Variants in WNK2 observed in about 807,000 individuals in gnomAD.
WNK2 encodes the protein WNK lysine deficient protein kinase 2, also known as serine/threonine-protein kinase WNK2.
In WNK2, 67 loss-of-function variants were observed where a neutral mutation model predicts 192.1. The ratio of observed to expected loss-of-function variants is 0.35; its 90% confidence interval spans 0.29 to 0.43. WNK2 has a LOEUF of 0.43. Among genes scored for constraint, WNK2 ranks in the 20% least tolerant of loss-of-function variants. The probability of loss-of-function intolerance (pLI) is 1.00; values close to 1 mark genes in which losing one functional copy is unlikely to be tolerated. For synonymous variants in WNK2, 1,439 were observed against 1,393.9 expected, an observed-to-expected ratio of 1.03 and a Z score of -0.72; for missense variants, 2,698 against 3,089.7, an observed-to-expected ratio of 0.87 and a Z score of 3.01.
chr9:93,290,337 T>C (rs922736945), intron 21 of WNK2, among the ~76,000 whole-genome samples: 1 of 152,144 alleles, frequency 6.6e-6, no homozygotes, highest in African/African-American at 2.4e-5. Flanking sequence ...ATGAGCTTTT[T>C]TTTTTTTTTC....
intron 19 of WNK2, among the ~76,000 whole-genome samples, chr9:93,283,650 A>C (rs1419490800): frequency 1.3e-5 from 2 of 152,238 alleles, no homozygotes; most frequent in African/African-American, 4.8e-5. Flanking sequence ...TCATGGTGAC[A>C]AGATTGCTGG....
Position 93,252,974 on chromosome 9 carries a change from C to T in WNK2, c.1926C>T (p.Asp642=), listed in dbSNP as rs4744201. 0.47 allele frequency: 736,896 copies of T among 1,567,112 alleles called. 181,771 individuals are homozygous for T. The highest frequency in any genetic ancestry group is 0.58 in the Admixed American group (30,902 of 53,370). Residue 642 remains aspartate (D), a synonymous_variant, in exon 9 of 30, where the codon GAC becomes GAT. Transcript: ENST00000427277. ...GCGTGATGCTTGGCTCCCTTGCCGACGCAGCGCCGTCCCCGGCCCAGTGTG... is the reference window on the plus strand; with the variant it reads ...GCGTGATGCTTGGCTCCCTTGCCGATGCAGCGCCGTCCCCGGCCCAGTGTG... The part of the protein sequence containing the change: ...QQSVMLGSLA[D]AAPSPAQCVC...
rs150459730 is a variant in WNK2 at position 93,297,759 on chromosome 9, C to T, written c.5709-94C>T. The T allele has an allele frequency of 8.1e-5, 108 of 1,335,828 alleles. No homozygotes were observed. The African/African-American group carries it at 1.4e-3, about 17-fold the overall frequency. The allele number at this position is 1,335,828 out of a possible 1,614,324, so 82.7% of individuals were successfully genotyped here. A position where few individuals can be genotyped will look rare whatever the true frequency, so the allele number is the denominator to read the frequency against. ...CAGGCAGGGTGCCCACCCTTCATCC[C>T]ATGTTCTCCCACGCCACCTCCCTCC... is the stretch of plus-strand genomic sequence containing the variant. On this transcript the variant is annotated intron_variant, in intron 23 of 29. Transcript: ENST00000427277.
chr9:93,186,523 G>A (rs900274005), intron 2 of WNK2, among the ~76,000 whole-genome samples: 3 of 152,168 alleles, frequency 2.0e-5, no homozygotes, highest in Non-Finnish European at 2.9e-5. Flanking sequence ...GGAGAGTGCC[G>A]GCTGGAGGTG....
rs757115650 is a variant in WNK2 at position 93,289,323 on chromosome 9, C to T, written c.4569C>T (p.Val1523=). 1.7e-5 allele frequency: 28 copies of T among 1,601,278 alleles called. No homozygotes were observed. Among genetic ancestry groups the T allele is most frequent in the Admixed American group, 5.1e-5 (3 of 58,612 alleles). Reference sequence around the variant, plus strand: ...CAAGCCCACCCCTGGGGCCCACCGTCCCCCCACAGCCACCCTCGGCCCTGG... The same window carrying T: ...CAAGCCCACCCCTGGGGCCCACCGTTCCCCCACAGCCACCCTCGGCCCTGG... The part of the protein sequence containing the change: ...QLPSPPLGPT[V]PPQPPSALES... Residue 1523 remains valine (V), a synonymous_variant, in exon 20 of 30, where the codon GTC becomes GTT. Transcript: ENST00000427277.
At chr9:93,223,737 A>G (rs531184244) in intron 2 of WNK2, among the ~76,000 whole-genome samples, 2 of 152,352 alleles carry the variant, frequency 1.3e-5, no homozygotes, top group African/African-American at 2.4e-5. Flanking sequence ...GACTGGTTCA[A>G]ATCTTCCAGA....
intron 19 of WNK2, among the ~76,000 whole-genome samples, chr9:93,288,513 G>A (rs951559922): frequency 6.6e-6 from 1 of 152,184 alleles, no homozygotes; most frequent in Non-Finnish European, 1.5e-5. Flanking sequence ...ACAGAAGGAA[G>A]GGTGGTGCTG....
chr9:93,271,621 G>T (rs1484999133), intron 19 of WNK2, among the ~76,000 whole-genome samples: 1 of 152,178 alleles, frequency 6.6e-6, no homozygotes, highest in Non-Finnish European at 1.5e-5. Context: ...TGTCCCACTG[G>T]AAAACAGGGG....
rs1843894247 is a variant in WNK2 at position 93,259,675 on chromosome 9, G to A, written c.3066+61G>A. 3.5e-6 allele frequency: 5 copies of A among 1,420,658 alleles called. No individual in the cohort carries two copies. The highest frequency in any genetic ancestry group is 5.1e-5 in the Admixed American group (2 of 39,398). The allele number at this position is 1,420,658 out of a possible 1,614,324, so 88.0% of individuals were successfully genotyped here. A position where few individuals can be genotyped will look rare whatever the true frequency, so the allele number is the denominator to read the frequency against. On this transcript the variant is annotated intron_variant, in intron 12 of 29. Coordinates refer to ENST00000427277, the MANE Select transcript of WNK2 (RefSeq NM_006648.4). The surrounding 1 kb of genome is among the most constrained non-coding windows in gnomAD (Gnocchi z 4.8). ...CGTCTGGGGACCCTCAGGACCCAGA[G>A]ATGCAAAGGAGGACAGAGGCAGGCA...
At chr9:93,267,459 G>A (rs1054889995) in intron 16 of WNK2, among the ~76,000 whole-genome samples, 2 of 152,202 alleles carry the variant, frequency 1.3e-5, no homozygotes, top group Non-Finnish European at 2.9e-5. Context: ...GAAGATGGCT[G>A]GACCGGCCTC....
In WNK2 at chr9:93,292,632, G is replaced by A. The variant is rs777694162; in HGVS notation, c.5167G>A (p.Ala1723Thr). Reference sequence around the variant, plus strand: ...GGCTAGCCACCCCCAGACACTCGGCGCTCGAGCTTTGGGGTCCCCTCGGAA... The same window carrying A: ...GGCTAGCCACCCCCAGACACTCGGCACTCGAGCTTTGGGGTCCCCTCGGAA... Reference protein sequence around the residue: ...GQASHPQTLGARALGSPRKRP... With the variant: ...GQASHPQTLGTRALGSPRKRP... Residue 1723 changes from alanine (A) to threonine (T), a missense_variant, in exon 23 of 30, where the codon GCT (alanine) becomes ACT (threonine). Ala to Thr is a moderately conservative substitution (Grantham distance 58, BLOSUM62 0). Around this residue, in one of 7 missense-constraint regions of WNK2, gnomAD observed 1,098 missense variants for 1,101.0 expected, o/e 1.00. Transcript: ENST00000427277. 6.3e-6 allele frequency: 10 copies of A among 1,582,990 alleles called. No individual in the cohort carries two copies. Among genetic ancestry groups the A allele is most frequent in the South Asian group, 3.4e-5 (3 of 87,130 alleles).
chr9:93,303,548 C>T (rs754329025), intron 26 of WNK2, among the ~76,000 whole-genome samples: 1 of 152,136 alleles, frequency 6.6e-6, no homozygotes, highest in Non-Finnish European at 1.5e-5. Context: ...GCATGCTCAG[C>T]GAGGCTCTTT....
At chr9:93,295,083 G>GAA (rs1850014651) in intron 23 of WNK2, among the ~76,000 whole-genome samples, 1 of 152,196 alleles carries the variant, frequency 6.6e-6, no homozygotes, top group Non-Finnish European at 1.5e-5. Flanking sequence ...GCCCTGTGCT[G>GAA]AGCCCAGCCT....
chr9:93,306,534 C>A, intron 26 of WNK2: 3 of 511,036 alleles, frequency 5.9e-6, no homozygotes, highest in Non-Finnish European at 1.0e-5. Context: ...ACAAACACTT[C>A]TCCCTGAAGC....
chr9:93,209,369 TGG>T (rs1161155991), intron 2 of WNK2, among the ~76,000 whole-genome samples: 6 of 152,186 alleles, frequency 3.9e-5, no homozygotes, highest in Non-Finnish European at 8.8e-5. Flanking sequence ...AGCTGTGGGC[TGG>T]GGCTGCTTGC....
intron 4 of WNK2, among the ~76,000 whole-genome samples, chr9:93,233,570 C>T (rs538772750): frequency 3.3e-5 from 5 of 151,960 alleles, no homozygotes; most frequent in South Asian, 2.1e-4. Flanking sequence ...TGGCGGCAGA[C>T]GCCTGTAGTC....
chr9:93,214,987 A>C (rs1037782372), intron 2 of WNK2, among the ~76,000 whole-genome samples: 10 of 151,498 alleles, frequency 6.6e-5, no homozygotes, highest in African/African-American at 2.4e-4. Flanking sequence ...GGGTCCTGTG[A>C]TCTTCTGATC....
Position 93,245,063 on chromosome 9 carries a change from T to C in WNK2, c.1543-2480T>C, listed in dbSNP as rs552018607. ...ATGTCTCTTCTGAATCAGGGGAGAC[T>C]GACCAGGGCTGTTTCTGTTAGGGAA... On this transcript the variant is annotated intron_variant, in intron 7 of 29. Coordinates refer to ENST00000427277, the MANE Select transcript of WNK2 (RefSeq NM_006648.4). Among the ~76,000 whole-genome samples, 5 of 148,782 alleles carry C rather than the reference T, an allele frequency of 3.4e-5. No individual in the cohort carries two copies. In the South Asian group the frequency reaches 1.1e-3, roughly 31 times the overall value.
chr9:93,236,714 C>T (rs1839874612), intron 5 of WNK2, among the ~76,000 whole-genome samples: 1 of 152,232 alleles, frequency 6.6e-6, no homozygotes, highest in South Asian at 2.1e-4. Context: ...CACCCGCACC[C>T]CCCCGCAACA....
Sources: gnomAD v4.1 joint callset for allele counts (sites outside exome capture counted in the v4.1 genomes callset) on GRCh38, gnomAD v4.1.1 for gene constraint, gnomAD v4.1.1 regional missense constraint, Gnocchi (gnomAD v3.1) non-coding constraint, MANE v1.5 for transcripts, NCBI Gene and HGNC (gene_info 2026-07-23, HGNC 2026-07-21) for gene names.